The following ABL2 variants were observed in gnomAD, a reference collection of about 807,000 sequenced individuals.
ABL2 encodes tyrosine-protein kinase ABL2.
ABL2 carries 49 observed loss-of-function variants against 107.7 expected under a neutral mutation model. That is an observed-to-expected ratio of 0.45 (90% CI 0.36 to 0.58). The LOEUF (loss-of-function observed/expected upper bound fraction) is 0.58, where lower values mean the gene tolerates loss of function less well. Ranked by LOEUF, ABL2 falls within the 20% of genes least tolerant of loss-of-function variation. ABL2 has a pLI of 0.00. For synonymous variants in ABL2, 549 were observed against 548.6 expected, an observed-to-expected ratio of 1.00 and a Z score of -0.01; for missense variants, 1,245 against 1,457.0, an observed-to-expected ratio of 0.85 and a Z score of 2.37.
At chr1:179,205,369 C>T (rs1481092533) in intron 1 of ABL2, among the ~76,000 whole-genome samples, 1 of 152,190 alleles carries the variant, frequency 6.6e-6, no homozygotes, top group Admixed American at 6.5e-5. Context: ...CTCCCAGGCA[C>T]ATAACAAAAC....
chr1:179,122,680 G>T (rs1288761483), intron 4 of ABL2, among the ~76,000 whole-genome samples: 5 of 151,490 alleles, frequency 3.3e-5, no homozygotes, highest in Non-Finnish European at 7.4e-5. Context: ...TTGAGACAGA[G>T]TCTCACTCTG....
intron 1 of ABL2, among the ~76,000 whole-genome samples, chr1:179,148,327 C>G (rs1202000664): frequency 6.6e-6 from 1 of 152,150 alleles, no homozygotes; most frequent in Non-Finnish European, 1.5e-5. Context: ...GGGTGTGAAC[C>G]ACCGCACCTG....
At chr1:179,138,763 C>T (rs1308710875) in intron 1 of ABL2, among the ~76,000 whole-genome samples, 2 of 152,226 alleles carry the variant, frequency 1.3e-5, no homozygotes, top group Admixed American at 6.5e-5. Context: ...TTCAGCGCAC[C>T]GCTGCACTGT....
At chr1:179,167,015 T>C (rs1400342651) in intron 1 of ABL2, among the ~76,000 whole-genome samples, 2 of 151,974 alleles carry the variant, frequency 1.3e-5, no homozygotes, top group Admixed American at 6.6e-5. Flanking sequence ...AAATTAAAAA[T>C]AGAACTACCA....
rs1359758220 is a variant in ABL2 at position 179,108,285 on chromosome 1, C to T, written c.2982G>A (p.Gln994=). ...TAGGGTCTGAGCAGATGGACGGATG[C>T]TGCAGTAGTCTCATCACTGGTGGTG... The part of the protein sequence containing the change: ...PPPPPVMRLL[Q]HPSICSDPTE... The change falls in exon 12 of 12, where the codon CAG becomes CAA. Residue 994 remains glutamine (Q), a synonymous_variant. Coordinates refer to ENST00000502732, the MANE Select transcript of ABL2 (RefSeq NM_007314.4). 3 of 1,613,956 alleles carry T rather than the reference C, an allele frequency of 1.9e-6. No individual in the cohort carries two copies. The highest frequency in any genetic ancestry group is 2.5e-6 in the Non-Finnish European group (3 of 1,180,012).
At chr1:179,142,140 T>C (rs902335816) in intron 1 of ABL2, among the ~76,000 whole-genome samples, 4 of 152,220 alleles carry the variant, frequency 2.6e-5, no homozygotes, top group Non-Finnish European at 4.4e-5. Context: ...TTAGGTAACT[T>C]AGATATCAAG....
chr1:179,117,583 T>A (rs945541035), intron 7 of ABL2, 67 bp from the exon 8 acceptor site: 20 of 1,545,990 alleles, frequency 1.3e-5, no homozygotes, highest in African/African-American at 2.7e-5. Context: ...GAACACTCTA[T>A]TCTTGGTTTT....
chr1:179,143,367 T>A (rs1254034054), intron 1 of ABL2, among the ~76,000 whole-genome samples: 8 of 152,196 alleles, frequency 5.3e-5, no homozygotes, highest in Non-Finnish European at 1.0e-4. Context: ...ATGTAGAAGT[T>A]AATATATCTC....
In ABL2 at chr1:179,100,706, G is replaced by A. The variant is rs1221279069; in HGVS notation, c.*7012C>T. The A allele has an allele frequency of 4.4e-6, 1 of 229,832 alleles. No homozygotes were observed. Among genetic ancestry groups the A allele is most frequent in the East Asian group, 6.2e-5 (1 of 16,120 alleles). The allele number at this position is 229,832 out of a possible 1,614,324, so 14.2% of individuals were successfully genotyped here. A position where few individuals can be genotyped will look rare whatever the true frequency, so the allele number is the denominator to read the frequency against. ...GTGACAGGTAGGACCCTGAAAATTT[G>A]CTGATGCGAGTACAGTGATGAACAA... On this transcript the variant is annotated 3_prime_UTR_variant, in exon 12 of 12. Coordinates refer to ENST00000502732, the MANE Select transcript of ABL2 (RefSeq NM_007314.4).
At chr1:179,191,104 AG>A (rs1387377479) in intron 1 of ABL2, among the ~76,000 whole-genome samples, 1 of 152,200 alleles carries the variant, frequency 6.6e-6, no homozygotes, top group Admixed American at 6.5e-5. Flanking sequence ...ATTGCCAAGA[AG>A]GCCACAGGAA....
intron 10 of ABL2, 172 bp from the exon 11 acceptor site, chr1:179,110,627 T>C (rs1377692610): frequency 2.6e-6 from 4 of 1,522,390 alleles, no homozygotes; most frequent in Admixed American, 4.2e-5. Flanking sequence ...CCCAGTATCA[T>C]GTGTGTAGAT....
intron 6 of ABL2, among the ~76,000 whole-genome samples, chr1:179,118,989 G>A (rs1654922637): frequency 1.3e-5 from 2 of 152,070 alleles, no homozygotes; most frequent in African/African-American, 4.8e-5. Flanking sequence ...ATGCCTCTGA[G>A]TATTTGTCTA....
Position 179,109,227 on chromosome 1 carries a change from A to G in ABL2, c.2040T>C (p.His680=). ...AGTTACCCGTGAGTTCGTATTTCTT[A>G]TGGGGCTGATTCTCCATTTCTCGGA... is the stretch of plus-strand genomic sequence containing the variant. ...SSFREMENQP[H]KKYELTGNFS... Residue 680 remains histidine (H), a synonymous_variant, in exon 12 of 12, where the codon CAT becomes CAC. Transcript: ENST00000502732. 4 of 1,614,076 alleles carry G rather than the reference A, an allele frequency of 2.5e-6. No homozygotes were observed. The highest frequency in any genetic ancestry group is 3.4e-6 in the Non-Finnish European group (4 of 1,180,008).
intron 1 of ABL2, among the ~76,000 whole-genome samples, chr1:179,206,526 T>C (rs1343224405): frequency 6.6e-6 from 1 of 151,800 alleles, no homozygotes; most frequent in African/African-American, 2.4e-5. Context: ...AAGCAAGTTC[T>C]TTATTTACTG....
chr1:179,111,554 G>C (rs538630023), intron 10 of ABL2, among the ~76,000 whole-genome samples: 6 of 152,216 alleles, frequency 3.9e-5, no homozygotes, highest in African/African-American at 1.2e-4. Flanking sequence ...CCAAAGTGCT[G>C]GGATTGCAGG....
At chr1:179,130,726 TTGTGTGTGTGTGTGTG>T (rs10643666) in intron 3 of ABL2, among the ~76,000 whole-genome samples, 13 of 142,722 alleles carry the variant, frequency 9.1e-5, no homozygotes, top group African/African-American at 3.1e-4. Flanking sequence ...ATTATTGATT[TTGTGTGTGTGTGTGTG>T]TGTGTGTGTG....
At chr1:179,125,279 G>T (rs1479330486) in intron 4 of ABL2, among the ~76,000 whole-genome samples, 1 of 152,186 alleles carries the variant, frequency 6.6e-6, no homozygotes, top group East Asian at 1.9e-4. Context: ...ACCTGGTGGT[G>T]GTGTGTGTAG....
chr1:179,140,637 T>C (rs571019312), intron 1 of ABL2, among the ~76,000 whole-genome samples: 1 of 152,334 alleles, frequency 6.6e-6, no homozygotes, highest in East Asian at 1.9e-4. Flanking sequence ...ATGAACTATG[T>C]ATACATCCTT....
At position 179,121,591 on chromosome 1, in the gene ABL2, C is replaced by A; in HGVS notation, c.960+4G>T. 6.2e-7 allele frequency: 1 copy of A among 1,607,888 alleles called. No individual in the cohort carries two copies. Among genetic ancestry groups the A allele is most frequent in the Middle Eastern group, 1.7e-4 (1 of 6,040 alleles). ...CCTGAAAACTGTAATTCTCAGCAACCCACCTTCAATGTTTTCACAGCAACT... is the reference window on the plus strand; with the variant it reads ...CCTGAAAACTGTAATTCTCAGCAACACACCTTCAATGTTTTCACAGCAACT... On this transcript the variant is annotated splice_donor_region_variant and intron_variant, in intron 5 of 11. Transcript: ENST00000502732.
Sources: gnomAD v4.1 joint callset for allele counts (sites outside exome capture counted in the v4.1 genomes callset) on GRCh38, gnomAD v4.1.1 for gene constraint, MANE v1.5 for transcripts, NCBI Gene and HGNC (gene_info 2026-07-23, HGNC 2026-07-21) for gene names.